TASP1: variants seen among roughly 807,000 people sequenced by gnomAD.
TASP1 encodes taspase 1.
TASP1 carries 16 observed loss-of-function variants against 56.6 expected under a neutral mutation model. The observed-to-expected ratio is 0.28, with a 90% CI of 0.19 to 0.43. The LOEUF (loss-of-function observed/expected upper bound fraction) is 0.43, where lower values mean the gene tolerates loss of function less well. TASP1 is among the 20% of genes least tolerant of loss of function. TASP1 has a pLI of 1.00. For synonymous variants in TASP1, 179 were observed against 184.2 expected, an observed-to-expected ratio of 0.97 and a Z score of 0.23; for missense variants, 393 against 511.6, an observed-to-expected ratio of 0.77 and a Z score of 2.24.
chr20:13,580,981 C>G lies in TASP1; in HGVS notation c.404G>C (p.Gly135Ala). 1.3e-6 allele frequency: 2 copies of G among 1,541,710 alleles called. No homozygotes were observed. Residue 135 changes from glycine (G) to alanine (A), a missense_variant and splice_region_variant, in exon 6 of 14, where the codon GGA (glycine) becomes GCA (alanine). Gly to Ala is a moderately conservative substitution (Grantham distance 60). This residue lies in a region of TASP1 where 293 missense variants were observed against 354.2 expected (regional missense o/e 0.83). Coordinates refer to ENST00000337743, the MANE Select transcript of TASP1 (RefSeq NM_017714.3). ...GGCAACCGAGACTGGGTTCTTGATTCCTATAAAAAAAAAAAAAAAATTGGC... is the reference window on the plus strand; with the variant it reads ...GGCAACCGAGACTGGGTTCTTGATTGCTATAAAAAAAAAAAAAAAATTGGC... ...LNFGAVGALSGIKNPVSVANR... is the reference protein window; with the variant it reads ...LNFGAVGALSAIKNPVSVANR...
chr20:13,311,270 TA>T, the TASP1 span, among the ~76,000 whole-genome samples: 3 of 151,226 alleles, frequency 2.0e-5, no homozygotes, highest in Admixed American at 6.6e-5. Context: ...GATAGATAGA[TA>T]GATAGATAGA....
intron 4 of TASP1, among the ~76,000 whole-genome samples, chr20:13,605,343 A>G (rs993142551): frequency 6.6e-6 from 1 of 152,226 alleles, no homozygotes; most frequent in Non-Finnish European, 1.5e-5. Flanking sequence ...TTATACTCCA[A>G]TAAAGCTGAC....
the TASP1 span, among the ~76,000 whole-genome samples, chr20:13,227,070 C>T: frequency 5.3e-5 from 8 of 152,136 alleles, no homozygotes; most frequent in Non-Finnish European, 1.2e-4. Context: ...CTTTTATTGC[C>T]TTTTGTCTTG....
intron 11 of TASP1, among the ~76,000 whole-genome samples, chr20:13,452,130 A>G (rs1048436131): frequency 1.3e-5 from 2 of 152,124 alleles, no homozygotes; most frequent in African/African-American, 4.8e-5. Flanking sequence ...ATGACAGACT[A>G]TCAGCACAGA....
rs1171972947 is a variant in TASP1, at chr20:13,625,215, A to G, written c.183T>C (p.Tyr61=). 2 of 1,611,898 alleles carry G rather than the reference A, an allele frequency of 1.2e-6. No homozygotes were observed. Among genetic ancestry groups the G allele is most frequent in the Non-Finnish European group, 1.7e-6 (2 of 1,179,260 alleles). Residue 61 remains tyrosine, a synonymous_variant, in exon 3 of 14, where the codon TAT becomes TAC. Transcript: ENST00000337743. ...GACAAGCTCGTTTGCATACATGTTTATACTCCTTGGCTTTGGATTCAGAAT... is the reference window on the plus strand; with the variant it reads ...GACAAGCTCGTTTGCATACATGTTTGTACTCCTTGGCTTTGGATTCAGAAT... ...GYHSESKAKE[Y]KHVCKRACQK...
chr20:13,344,275 GCGCACACACACA>G, the TASP1 span, among the ~76,000 whole-genome samples: 19 of 151,788 alleles, frequency 1.3e-4, no homozygotes, highest in Admixed American at 1.0e-3. Flanking sequence ...ATCTATATTT[GCGCACACACACA>G]CGCACACACA....
At chr20:13,568,910 T>G (rs747119634) in intron 7 of TASP1, among the ~76,000 whole-genome samples, 1 of 152,202 alleles carries the variant, frequency 6.6e-6, no homozygotes, top group Non-Finnish European at 1.5e-5. Flanking sequence ...AAATTTAACA[T>G]GTACTCATTT....
At chr20:13,305,256 A>G in the TASP1 span, among the ~76,000 whole-genome samples, 1 of 151,988 alleles carries the variant, frequency 6.6e-6, no homozygotes, top group Non-Finnish European at 1.5e-5. Flanking sequence ...CAGACAGAAA[A>G]TTAATCTGCC....
intron 8 of TASP1, among the ~76,000 whole-genome samples, chr20:13,543,702 G>C (rs1012724826): frequency 1.3e-5 from 2 of 152,092 alleles, no homozygotes; most frequent in African/African-American, 4.8e-5. Flanking sequence ...AAGACCATAG[G>C]CTGGCTTGTT....
intron 10 of TASP1, among the ~76,000 whole-genome samples, chr20:13,508,765 T>C (rs1055205993): frequency 1.3e-5 from 2 of 152,104 alleles, no homozygotes; most frequent in Admixed American, 6.6e-5. Context: ...ATCAGGGAAG[T>C]GCAAATCAAA....
chr20:13,186,459 A>C, the TASP1 span, among the ~76,000 whole-genome samples: 2 of 152,194 alleles, frequency 1.3e-5, no homozygotes, highest in African/African-American at 4.8e-5. Flanking sequence ...GGAATGCTGA[A>C]ACCAGGGAAG....
At chr20:13,195,075 G>A in the TASP1 span, among the ~76,000 whole-genome samples, 4 of 152,016 alleles carry the variant, frequency 2.6e-5, no homozygotes, top group Non-Finnish European at 5.9e-5. Context: ...TATAACATAC[G>A]AATGGTAAAA....
the TASP1 span, among the ~76,000 whole-genome samples, chr20:13,205,214 C>G: frequency 6.6e-6 from 1 of 152,168 alleles, no homozygotes; most frequent in Non-Finnish European, 1.5e-5. Flanking sequence ...CCACTCCCCT[C>G]TCACTGTAGC....
Position 13,464,414 on chromosome 20 carries a change from T to A in TASP1, c.985+18813A>T, listed in dbSNP as rs554117874. Among the ~76,000 whole-genome samples the A allele has an allele frequency of 1.1e-4, 17 of 152,266 alleles. No individual in the cohort carries two copies. The South Asian group carries it at 2.7e-3, about 24-fold the overall frequency. On this transcript the variant is annotated intron_variant, in intron 11 of 13. Coordinates refer to ENST00000337743, the MANE Select transcript of TASP1 (RefSeq NM_017714.3). Reference sequence around the variant, plus strand: ...AACTTGGACTTCTAGCCTCCTTAACTGTGAGGAAATAAATTTCTGTTGTTT... The same window carrying A: ...AACTTGGACTTCTAGCCTCCTTAACAGTGAGGAAATAAATTTCTGTTGTTT...
intron 11 of TASP1, among the ~76,000 whole-genome samples, chr20:13,474,890 T>C (rs969836369): frequency 6.6e-6 from 1 of 152,196 alleles, no homozygotes; most frequent in South Asian, 2.1e-4. Context: ...TGATTAGTGA[T>C]ATTGAGCATT....
At chr20:13,210,610 T>A in the TASP1 span, among the ~76,000 whole-genome samples, 1 of 133,664 alleles carries the variant, frequency 7.5e-6, no homozygotes, top group African/African-American at 3.1e-5. Context: ...TGTTTACATG[T>A]GCACACGTGT....
At chr20:13,507,403 C>G (rs956783594) in intron 10 of TASP1, among the ~76,000 whole-genome samples, 2 of 151,954 alleles carry the variant, frequency 1.3e-5, no homozygotes, top group Non-Finnish European at 2.9e-5. Context: ...CATGGTGGCA[C>G]GTGTCCGTAG....
the TASP1 span, among the ~76,000 whole-genome samples, chr20:13,257,643 A>G: frequency 4.6e-5 from 7 of 152,128 alleles, no homozygotes; most frequent in African/African-American, 1.4e-4. Context: ...GATTAACCCT[A>G]AAAAGTCATT....
At chr20:13,256,758 T>G in the TASP1 span, among the ~76,000 whole-genome samples, 1 of 152,186 alleles carries the variant, frequency 6.6e-6, no homozygotes, top group Non-Finnish European at 1.5e-5. Context: ...GCCAGGTGAC[T>G]TTGGCAGGAT....
Sources: gnomAD v4.1 joint callset for allele counts (sites outside exome capture counted in the v4.1 genomes callset) on GRCh38, gnomAD v4.1.1 for gene constraint, gnomAD v4.1.1 regional missense constraint, MANE v1.5 for transcripts, NCBI Gene and HGNC (gene_info 2026-07-23, HGNC 2026-07-21) for gene names.